MAML2: variants seen among roughly 807,000 people sequenced by gnomAD.
MAML2 encodes the protein mastermind-like protein 2.
MAML2 carries 22 observed loss-of-function variants against 96.1 expected under a neutral mutation model. The ratio of observed to expected loss-of-function variants is 0.23; its 90% CI spans 0.16 to 0.33. The LOEUF (loss-of-function observed/expected upper bound fraction) is 0.33. Ranked by LOEUF, MAML2 falls within the 10% of genes least tolerant of loss-of-function variation. MAML2 has a pLI of 1.00. For synonymous variants in MAML2, 561 were observed against 521.3 expected, an observed-to-expected ratio of 1.08 and a Z score of -1.04; for missense variants, 1,367 against 1,392.4, an observed-to-expected ratio of 0.98 and a Z score of 0.29.
At chr11:96,050,793 C>T (rs963843908) in intron 2 of MAML2, among the ~76,000 whole-genome samples, 3 of 152,212 alleles carry the variant, frequency 2.0e-5, no homozygotes, top group African/African-American at 7.2e-5. Flanking sequence ...ACAAGAGTTA[C>T]TGACTCCTAT....
At chr11:96,136,414 T>C (rs1860633524) in intron 1 of MAML2, among the ~76,000 whole-genome samples, 2 of 152,184 alleles carry the variant, frequency 1.3e-5, no homozygotes, top group Non-Finnish European at 2.9e-5. Flanking sequence ...GATTATGTAG[T>C]TATCACAAAT....
rs572546449 is a variant in MAML2, at chr11:96,095,137, T to G, written c.514-1620A>C. 2.6e-5 allele frequency among the ~76,000 whole-genome samples: 4 copies of G among 152,250 alleles called. No individual in the cohort carries two copies. In the East Asian group the frequency reaches 7.7e-4, roughly 29 times the overall value. On this transcript the variant is annotated intron_variant, in intron 1 of 4. Coordinates refer to ENST00000524717, the MANE Select transcript of MAML2 (RefSeq NM_032427.4). ...AAAGTTTGTGTGGTTCTAAAGCATA[T>G]GTCATTTACACTCTAACATGCTCTA... is the stretch of plus-strand genomic sequence containing the variant.
At chr11:95,984,804 G>A (rs766558206) in intron 4 of MAML2, among the ~76,000 whole-genome samples, 11 of 152,142 alleles carry the variant, frequency 7.2e-5, no homozygotes, top group Non-Finnish European at 1.2e-4. Flanking sequence ...ACCCAAGAGC[G>A]TAAACTTAAC....
At chr11:96,166,840 A>G (rs946638215) in intron 1 of MAML2, among the ~76,000 whole-genome samples, 2 of 152,216 alleles carry the variant, frequency 1.3e-5, no homozygotes, top group African/African-American at 4.8e-5. Flanking sequence ...AAATAACAGC[A>G]TCTTGTTCTG....
intron 2 of MAML2, among the ~76,000 whole-genome samples, chr11:96,025,615 A>C (rs1858505333): frequency 6.6e-6 from 1 of 152,174 alleles, no homozygotes; most frequent in South Asian, 2.1e-4. Context: ...GTGCAATGGC[A>C]CAATCTCGGC....
chr11:96,116,345 A>G (rs952684257), intron 1 of MAML2, among the ~76,000 whole-genome samples: 4 of 152,188 alleles, frequency 2.6e-5, no homozygotes, highest in African/African-American at 9.7e-5. Flanking sequence ...GACTGACAAG[A>G]GACGACAAAG....
intron 2 of MAML2, among the ~76,000 whole-genome samples, chr11:96,031,139 T>C (rs1465352564): frequency 1.3e-5 from 2 of 152,196 alleles, no homozygotes; most frequent in Middle Eastern, 3.2e-3. Flanking sequence ...TAAGGTAATA[T>C]ATCTCAAAAG....
At chr11:96,314,030 T>C (rs1453186520) in intron 1 of MAML2, among the ~76,000 whole-genome samples, 1 of 152,214 alleles carries the variant, frequency 6.6e-6, no homozygotes. Flanking sequence ...AATTTGTTTG[T>C]CTTCTTCTCC....
At chr11:96,094,392 A>T (rs6483477) in intron 1 of MAML2, among the ~76,000 whole-genome samples, 1 of 151,972 alleles carries the variant, frequency 6.6e-6, no homozygotes, top group Admixed American at 6.5e-5. Context: ...GGACAATAGC[A>T]CTTAACTCAC....
intron 1 of MAML2, among the ~76,000 whole-genome samples, chr11:96,110,139 T>A (rs184699934): frequency 2.1e-3 from 320 of 152,166 alleles, no homozygotes; most frequent in African/African-American, 7.3e-3. Context: ...CATTTGATTG[T>A]GATTGGGGGC....
At chr11:96,174,343 C>G (rs1034073770) in intron 1 of MAML2, among the ~76,000 whole-genome samples, 1 of 152,220 alleles carries the variant, frequency 6.6e-6, no homozygotes, top group African/African-American at 2.4e-5. Flanking sequence ...TTTCCCTCAT[C>G]TGAAATTCTC....
Position 96,056,197 on chromosome 11 carries a change from C to A in MAML2, c.2139+35695G>T, listed in dbSNP as rs181564638. ...TTGTTCTAACAGGGCATCCCTGCCC[C>A]CACAGGGCAGGCTCTTAGCACTCAT... On this transcript the variant is annotated intron_variant, in intron 2 of 4. Coordinates refer to ENST00000524717, the MANE Select transcript of MAML2 (RefSeq NM_032427.4). 5.9e-3 allele frequency among the ~76,000 whole-genome samples: 895 copies of A among 152,250 alleles called. 11 individuals carry two copies. The highest frequency in any genetic ancestry group is 0.02 in the African/African-American group (840 of 41,548).
chr11:96,209,424 G>A (rs1239901985), intron 1 of MAML2, among the ~76,000 whole-genome samples: 1 of 152,060 alleles, frequency 6.6e-6, no homozygotes, highest in Non-Finnish European at 1.5e-5. Flanking sequence ...GATCACTTGA[G>A]GTCAGGAGTT....
intron 1 of MAML2, among the ~76,000 whole-genome samples, chr11:96,136,986 G>C (rs552441499): frequency 6.6e-6 from 1 of 152,262 alleles, no homozygotes; most frequent in South Asian, 2.1e-4. Context: ...CATCTGACTA[G>C]TGCCTTGTTA....
chr11:96,294,192 G>T (rs934628425), intron 1 of MAML2, among the ~76,000 whole-genome samples: 2 of 152,084 alleles, frequency 1.3e-5, no homozygotes, highest in African/African-American at 4.8e-5. Flanking sequence ...TTAGACAAAT[G>T]CCAAGCTTAA....
rs532917679 is a variant in MAML2 at position 96,270,894 on chromosome 11, A to G, written c.513+70489T>C. Among the ~76,000 whole-genome samples, 5 of 152,302 alleles carry G rather than the reference A, an allele frequency of 3.3e-5. No individual in the cohort carries two copies. In the East Asian group the frequency reaches 5.8e-4, roughly 18 times the overall value. ...ATCGGGAAAGGCAGACCCACCCTCAATGTGGGTAGGTACCATCTAATCAGC... is the reference window on the plus strand; with the variant it reads ...ATCGGGAAAGGCAGACCCACCCTCAGTGTGGGTAGGTACCATCTAATCAGC... On this transcript the variant is annotated intron_variant, in intron 1 of 4. Coordinates refer to ENST00000524717, the MANE Select transcript of MAML2 (RefSeq NM_032427.4).
At chr11:96,331,951 C>T (rs184177910) in intron 1 of MAML2, among the ~76,000 whole-genome samples, 122 of 152,174 alleles carry the variant, frequency 8.0e-4, no homozygotes, top group African/African-American at 2.9e-3. Context: ...AACTGGCCCT[C>T]TAGGGGGATG....
At chr11:96,027,907 T>C (rs1858550438) in intron 2 of MAML2, among the ~76,000 whole-genome samples, 2 of 152,028 alleles carry the variant, frequency 1.3e-5, no homozygotes, top group Admixed American at 1.3e-4. Flanking sequence ...CATTTTCGTA[T>C]TTTTTGTAGA....
At chr11:96,291,164 T>TG (rs1446960115) in intron 1 of MAML2, among the ~76,000 whole-genome samples, 1 of 139,546 alleles carries the variant, frequency 7.2e-6, no homozygotes, top group Non-Finnish European at 1.5e-5. Context: ...TCACTGTTGC[T>TG]GCTCACTCTG....
Sources: allele counts gnomAD v4.1 joint callset (sites outside exome capture counted in the v4.1 genomes callset), GRCh38; gene constraint gnomAD v4.1.1; transcripts MANE v1.5; gene names NCBI Gene and HGNC (gene_info 2026-07-23, HGNC 2026-07-21).